SPIDR: variants seen among roughly 807,000 people sequenced by gnomAD.
The protein encoded by SPIDR is DNA repair-scaffolding protein.
A neutral mutation model predicts 104.6 loss-of-function variants in SPIDR; 93 were observed. The observed-to-expected ratio is 0.89, with a 90% CI of 0.75 to 1.06. The LOEUF is 1.06. Among genes scored for constraint, SPIDR ranks in the 50% least tolerant of loss-of-function variants. The pLI, the probability that SPIDR is intolerant of heterozygous loss-of-function variation, is 0.00. For synonymous variants in SPIDR, 431 were observed against 416.9 expected (o/e 1.03, Z -0.41); for missense variants, 1,154 against 1,111.2 (o/e 1.04, Z -0.55).
At chr8:47,511,833 C>A in intron 8 of SPIDR, 1 of 885,836 alleles carries the variant, frequency 1.1e-6, no homozygotes, top group Non-Finnish European at 1.9e-6. Context: ...CAACAATCTG[C>A]TGTCCACTTC....
intron 7 of SPIDR, among the ~76,000 whole-genome samples, chr8:47,431,865 A>C (rs1563956530): frequency 6.6e-6 from 1 of 152,230 alleles, no homozygotes. Context: ...AGATGACTTA[A>C]AATTTTATGG....
At chr8:47,602,042 CTT>C (rs1477028756) in intron 10 of SPIDR, among the ~76,000 whole-genome samples, 2 of 152,120 alleles carry the variant, frequency 1.3e-5, no homozygotes, top group African/African-American at 2.4e-5. Flanking sequence ...GAAAGAAAAA[CTT>C]AGAGAATATA....
At chr8:47,660,985 C>T in intron 10 of SPIDR, 1 of 985,262 alleles carries the variant, frequency 1.0e-6, no homozygotes, top group Non-Finnish European at 1.2e-6. Context: ...AACAAATTCA[C>T]ATAATCTGGA....
chr8:47,560,730 G>T (rs527538324), intron 8 of SPIDR, among the ~76,000 whole-genome samples: 2 of 152,084 alleles, frequency 1.3e-5, no homozygotes, highest in East Asian at 3.9e-4. Flanking sequence ...CTTTTGCCTT[G>T]CTGTTCTCCT....
intron 10 of SPIDR, chr8:47,659,674 G>A (rs544695470): frequency 1.2e-3 from 1,158 of 974,296 alleles, no homozygotes; most frequent in Non-Finnish European, 1.3e-3. Flanking sequence ...TTTTCTCAGC[G>A]GCTCCCTTGC....
intron 8 of SPIDR, among the ~76,000 whole-genome samples, chr8:47,518,777 C>T (rs1399125556): frequency 6.6e-6 from 1 of 152,012 alleles, no homozygotes; most frequent in African/African-American, 2.4e-5. Context: ...GCTGGAACTA[C>T]AGGCGCCTGC....
intron 10 of SPIDR, among the ~76,000 whole-genome samples, chr8:47,634,011 A>T (rs1400231718): frequency 1.3e-5 from 2 of 151,460 alleles, no homozygotes; most frequent in Non-Finnish European, 2.9e-5. Flanking sequence ...AGTTGGATGG[A>T]TTGAGCCTAG....
chr8:47,287,823 G>A (rs1409605926), intron 3 of SPIDR, among the ~76,000 whole-genome samples: 3 of 152,132 alleles, frequency 2.0e-5, no homozygotes, highest in African/African-American at 7.2e-5. Flanking sequence ...AGTTTAACAC[G>A]ATAGTGGTCC....
intron 10 of SPIDR, among the ~76,000 whole-genome samples, chr8:47,639,213 T>A (rs1331147636): frequency 2.0e-5 from 3 of 152,206 alleles, no homozygotes; most frequent in Admixed American, 2.0e-4. Context: ...GGTGGAATCG[T>A]CCACGTGTGC....
At chr8:47,279,124 G>A (rs2037204158) in intron 1 of SPIDR, 1 of 162,740 alleles carries the variant, frequency 6.1e-6, no homozygotes, top group African/African-American at 2.4e-5. Context: ...TGAACCTCTG[G>A]GCTCATGGAA....
intron 3 of SPIDR, 32 bp downstream of exon 3, chr8:47,284,126 G>T: frequency 1.3e-6 from 2 of 1,521,118 alleles, no homozygotes; most frequent in Admixed American, 3.8e-5. Context: ...TGACAGAGAA[G>T]ATATAAGACT....
intron 8 of SPIDR, among the ~76,000 whole-genome samples, chr8:47,591,426 CTATTTATTTATTTATTTATT>C (rs151285704): frequency 1.3e-5 from 2 of 149,516 alleles, no homozygotes; most frequent in Admixed American, 1.3e-4. Context: ...CTTTCCCTCC[CTATTTATTTATTTATTTATT>C]TATTTATTTA....
intron 8 of SPIDR, among the ~76,000 whole-genome samples, chr8:47,499,701 A>T (rs2080057878): frequency 1.3e-5 from 2 of 152,080 alleles, no homozygotes; most frequent in African/African-American, 4.8e-5. Context: ...GGTTAGTTAC[A>T]TATGTATACA....
intron 5 of SPIDR, among the ~76,000 whole-genome samples, chr8:47,334,127 T>C (rs1184200090): frequency 1.3e-5 from 2 of 152,248 alleles, no homozygotes; most frequent in Non-Finnish European, 2.9e-5. Flanking sequence ...TATTTTGATC[T>C]TAGAGAAGAT....
intron 16 of SPIDR, among the ~76,000 whole-genome samples, chr8:47,721,102 A>T (rs1347728500): frequency 6.6e-6 from 1 of 152,160 alleles, no homozygotes; most frequent in African/African-American, 2.4e-5. Context: ...ATAAGTTTTA[A>T]TTTTAATGAA....
At chr8:47,395,191 G>A (rs547910352) in intron 5 of SPIDR, among the ~76,000 whole-genome samples, 1 of 151,834 alleles carries the variant, frequency 6.6e-6, no homozygotes, top group African/African-American at 2.4e-5. Context: ...TCTACTAAAT[G>A]TACAAAAATT....
intron 5 of SPIDR, among the ~76,000 whole-genome samples, chr8:47,326,897 G>A (rs1336594096): frequency 1.3e-5 from 2 of 152,174 alleles, no homozygotes; most frequent in Non-Finnish European, 2.9e-5. Context: ...TGTGAATAGA[G>A]CTGCTAGAAC....
rs531278994 is a variant in SPIDR at position 47,611,763 on chromosome 8, T to C, written c.1544+12567T>C. On this transcript the variant is annotated intron_variant, in intron 10 of 19. Transcript: ENST00000297423. ...AAGGGTTTTAAAGCATTTATTACAA[T>C]TAATATAGAACTGAAAGTTCAAGCA... Among the ~76,000 whole-genome samples the C allele has an allele frequency of 1.1e-4, 17 of 152,076 alleles. No homozygotes were observed. The South Asian group carries it at 1.2e-3, about 11-fold the overall frequency.
intron 6 of SPIDR, among the ~76,000 whole-genome samples, chr8:47,397,990 C>T (rs2061432229): frequency 6.6e-6 from 1 of 152,110 alleles, no homozygotes; most frequent in African/African-American, 2.4e-5. Context: ...GAGGAAAGAG[C>T]TTGAGGATGT....
Sources: gnomAD v4.1 joint callset for allele counts (sites outside exome capture counted in the v4.1 genomes callset) on GRCh38, gnomAD v4.1.1 for gene constraint, MANE v1.5 for transcripts, NCBI Gene and HGNC (gene_info 2026-07-23, HGNC 2026-07-21) for gene names.